The following SIRPB2 variants were observed in gnomAD, a reference collection of about 807,000 sequenced individuals.
SIRPB2 encodes the protein signal-regulatory protein beta-2.
Under a neutral mutation model 27.1 loss-of-function variants are expected in SIRPB2, and 18 were observed. The observed-to-expected ratio is 0.66, with a 90% CI of 0.46 to 0.98. The LOEUF is 0.98. SIRPB2 is among the 50% of genes least tolerant of loss of function. The pLI is 0.00. For synonymous variants in SIRPB2, 150 were observed against 164.6 expected (o/e 0.91, Z 0.68); for missense variants, 420 against 417.4 (o/e 1.01, Z -0.06).
intron 1 of SIRPB2, among the ~76,000 whole-genome samples, chr20:1,490,666 T>C (rs6042577): frequency 0.15 from 22,855 of 151,996 alleles, 3,310 homozygotes; most frequent in African/African-American, 0.38. Flanking sequence ...ATTTTACAGT[T>C]GGAAAAACTG....
chr20:1,483,805 T>G (rs74466194), intron 1 of SIRPB2, among the ~76,000 whole-genome samples: 1,622 of 152,330 alleles, frequency 0.011, 34 homozygotes, highest in African/African-American at 0.038. Flanking sequence ...TGCCTGTCTT[T>G]CGAAGTCTTA....
At chr20:1,480,897 A>C (rs2123028011) in intron 1 of SIRPB2, among the ~76,000 whole-genome samples, 1 of 152,288 alleles carries the variant, frequency 6.6e-6, no homozygotes, top group East Asian at 1.9e-4. Context: ...CCCTTCAGAG[A>C]CATAGGTTTG....
intron 1 of SIRPB2, among the ~76,000 whole-genome samples, chr20:1,483,662 C>T (rs1016375861): frequency 6.6e-6 from 1 of 152,002 alleles, no homozygotes; most frequent in Admixed American, 6.5e-5. Flanking sequence ...GATATTAGTC[C>T]CTTGTCAAAT....
chr20:1,473,065 C>G (rs1426212469), downstream of SIRPB2: 2 of 152,432 alleles, frequency 1.3e-5, no homozygotes, highest in East Asian at 3.8e-4. Context: ...CTTCCCCCTC[C>G]TCCTGCGTTG....
At position 1,476,195 on chromosome 20, in the gene SIRPB2, G is replaced by T. The variant is rs879068143; in HGVS notation, c.1001C>A (p.Thr334Asn). Residue 334 changes from threonine to asparagine, a missense_variant, in exon 5 of 5, where the codon ACC (threonine) becomes AAC (asparagine). Thr to Asn is a moderately conservative substitution (Grantham distance 65, BLOSUM62 0). Transcript: ENST00000359801. ...CTCTTGACCCTTGCTCCATGCTAAG[G>T]TGTTCATGGCTCCTGCTGGGCCTGT... ...KTTGPAGAMN[T>N]LAWSKGQE is the part of the protein sequence containing the mutation. The T allele has an allele frequency of 1.9e-6, 3 of 1,613,940 alleles. No homozygotes were observed. The highest frequency in any genetic ancestry group is 1.1e-5 in the South Asian group (1 of 91,072).
Position 1,478,305 on chromosome 20 carries a change from G to T in SIRPB2, c.754C>A (p.Gln252Lys). 6.2e-7 allele frequency: 1 copy of T among 1,614,130 alleles called. No individual in the cohort carries two copies. The highest frequency in any genetic ancestry group is 8.5e-7 in the Non-Finnish European group (1 of 1,180,016). ...CTGGTGCCCTGTCCAGACAGGTATT[G>T]CCTGTTGGGTTTCCTCTGAAACTTT... ...CVKFQRKPNR[Q>K]YLSGQGTSLK... Residue 252 changes from glutamine to lysine, a missense_variant, in exon 3 of 5, where the codon CAA becomes AAA. Coordinates refer to ENST00000359801, the MANE Select transcript of SIRPB2 (RefSeq NM_001122962.2).
In SIRPB2 at chr20:1,485,623, T is replaced by A. The variant is rs75415721; in HGVS notation, c.86-5558A>T. 4.2e-4 allele frequency among the ~76,000 whole-genome samples: 62 copies of A among 145,990 alleles called. 6 individuals are homozygous for A. In the East Asian group the frequency reaches 0.013, roughly 30 times the overall value. On this transcript the variant is annotated intron_variant, in intron 1 of 4. Transcript: ENST00000359801. ...TCATCAAGCTGGAAATGAAACTTAA[T>A]ACAGTAGAACACACACACACACACA...
intron 1 of SIRPB2, among the ~76,000 whole-genome samples, chr20:1,481,499 C>T (rs2090670610): frequency 6.6e-6 from 1 of 152,114 alleles, no homozygotes; most frequent in South Asian, 2.1e-4. Flanking sequence ...TCTGTATTCC[C>T]ATCAGCCTTT....
intron 1 of SIRPB2, among the ~76,000 whole-genome samples, chr20:1,488,684 C>T (rs892194721): frequency 6.6e-6 from 1 of 151,972 alleles, no homozygotes; most frequent in East Asian, 1.9e-4. Flanking sequence ...TACTATGTAC[C>T]CATTAGAATG....
chr20:1,478,054 G>A, intron 3 of SIRPB2: 1 of 684,760 alleles, frequency 1.5e-6, no homozygotes, highest in South Asian at 1.5e-5. Context: ...CTTGAGAGGA[G>A]GAGAAGGTTT....
chr20:1,474,139 G>T (rs2090591030), downstream of SIRPB2, among the ~76,000 whole-genome samples: 1 of 152,100 alleles, frequency 6.6e-6, no homozygotes, highest in African/African-American at 2.4e-5. Flanking sequence ...CTCTTTTAGG[G>T]CTCACTTAGA....
chr20:1,476,475 A>G, intron 4 of SIRPB2, 139 bp from the exon 5 acceptor site: 1 of 980,284 alleles, frequency 1.0e-6, no homozygotes, highest in Non-Finnish European at 1.5e-6. Flanking sequence ...TTGAAAGAGG[A>G]GATCAAAGAC....
At chr20:1,476,444 TG>T in intron 4 of SIRPB2, 108 bp from the exon 5 acceptor site, 2 of 1,138,884 alleles carry the variant, frequency 1.8e-6, no homozygotes, top group East Asian at 5.2e-5. Flanking sequence ...GTATAACCTC[TG>T]GAGCTGTATC....
intron 1 of SIRPB2, among the ~76,000 whole-genome samples, chr20:1,481,852 GT>G (rs992206019): frequency 5.3e-5 from 8 of 152,136 alleles, no homozygotes; most frequent in African/African-American, 1.9e-4. Flanking sequence ...GATCCTTCCT[GT>G]TTTTTTCCCT....
At chr20:1,485,848 T>C (rs1426658488) in intron 1 of SIRPB2, among the ~76,000 whole-genome samples, 2 of 151,966 alleles carry the variant, frequency 1.3e-5, no homozygotes, top group Non-Finnish European at 2.9e-5. Flanking sequence ...TAAAAGAATA[T>C]TATGGAAAAC....
At chr20:1,489,507 G>A (rs1252613015) in intron 1 of SIRPB2, among the ~76,000 whole-genome samples, 1 of 152,142 alleles carries the variant, frequency 6.6e-6, no homozygotes, top group African/African-American at 2.4e-5. Context: ...TGAACACCAG[G>A]GAAGAAGCTG....
chr20:1,477,085 C>A, intron 4 of SIRPB2: 1 of 1,456,166 alleles, frequency 6.9e-7, no homozygotes, highest in Non-Finnish European at 9.1e-7. Flanking sequence ...TCACAGGGAG[C>A]TCACCACCTC....
chr20:1,485,653 C>CCACACACA, intron 1 of SIRPB2, among the ~76,000 whole-genome samples: 1 of 147,186 alleles, frequency 6.8e-6, no homozygotes, highest in South Asian at 2.1e-4. Context: ...CACACACACA[C>CCACACACA]CACACACACA....
At chr20:1,480,826 G>C (rs956097210) in intron 1 of SIRPB2, among the ~76,000 whole-genome samples, 6 of 152,224 alleles carry the variant, frequency 3.9e-5, no homozygotes, top group Non-Finnish European at 7.3e-5. Flanking sequence ...GAGGGTGACA[G>C]GCTTGATTCA....
Sources: gnomAD v4.1 joint callset for allele counts (sites outside exome capture counted in the v4.1 genomes callset) on GRCh38, gnomAD v4.1.1 for gene constraint, MANE v1.5 for transcripts, NCBI Gene and HGNC (gene_info 2026-07-23, HGNC 2026-07-21) for gene names.